Variants in ZMYM4 observed in about 807,000 individuals in gnomAD.
ZMYM4 encodes zinc finger MYM-type protein 4.
ZMYM4 carries 31 observed loss-of-function variants against 183.2 expected under a neutral mutation model. The ratio of observed to expected loss-of-function variants is 0.17; its 90% CI spans 0.13 to 0.23. The LOEUF (loss-of-function observed/expected upper bound fraction) is 0.23, where lower values mean the gene tolerates loss of function less well. Among genes scored for constraint, ZMYM4 ranks in the 10% least tolerant of loss-of-function variants. The pLI, the probability that ZMYM4 is intolerant of heterozygous loss-of-function variation, is 1.00. For missense variants in ZMYM4, 1,273 were observed against 1,840.3 expected (o/e 0.69, Z 5.64); for synonymous variants, 592 against 631.2 (o/e 0.94, Z 0.93).
At chr1:35,378,342 A>G (rs1470268567) in intron 7 of ZMYM4, among the ~76,000 whole-genome samples, 1 of 152,232 alleles carries the variant, frequency 6.6e-6, no homozygotes, top group Non-Finnish European at 1.5e-5. Flanking sequence ...TCCTTTCCAG[A>G]AGCTTTTTAA....
intron 2 of ZMYM4, among the ~76,000 whole-genome samples, chr1:35,333,470 T>C (rs1479068031): frequency 6.6e-6 from 1 of 152,072 alleles, no homozygotes; most frequent in African/African-American, 2.4e-5. Context: ...TTGGCCAAGG[T>C]GGTCTCAAGC....
chr1:35,355,546 C>G (rs1162306811), intron 2 of ZMYM4, among the ~76,000 whole-genome samples: 3 of 152,074 alleles, frequency 2.0e-5, no homozygotes, highest in Admixed American at 6.5e-5. Context: ...CTATCTTTAT[C>G]TTTTAAGGAA....
intron 1 of ZMYM4, among the ~76,000 whole-genome samples, chr1:35,298,685 CA>C (rs1472607606): frequency 6.6e-6 from 1 of 152,146 alleles, no homozygotes; most frequent in Non-Finnish European, 1.5e-5. Context: ...ACAGTGTTAA[CA>C]GGAAGAGAAG....
At chr1:35,350,353 A>G (rs981369766) in intron 2 of ZMYM4, among the ~76,000 whole-genome samples, 13 of 152,002 alleles carry the variant, frequency 8.6e-5, no homozygotes, top group African/African-American at 1.9e-4. Context: ...CAATGGCACA[A>G]TCTTGGCTCA....
intron 26 of ZMYM4, among the ~76,000 whole-genome samples, chr1:35,411,532 T>C (rs756856040): frequency 6.6e-6 from 1 of 152,148 alleles, no homozygotes; most frequent in Non-Finnish European, 1.5e-5. Context: ...TTGTATTAAG[T>C]TTTGAAATCA....
At chr1:35,387,309 T>G (rs1478733371) in intron 12 of ZMYM4, 31 bp downstream of exon 12, 3 of 1,603,790 alleles carry the variant, frequency 1.9e-6, no homozygotes, top group East Asian at 2.2e-5. Context: ...GATAAGATTT[T>G]GAGTATACGT....
chr1:35,382,070 G>A (rs1028652515), intron 9 of ZMYM4, among the ~76,000 whole-genome samples: 8 of 151,238 alleles, frequency 5.3e-5, no homozygotes, highest in African/African-American at 1.7e-4. Context: ...GCTTGAACTC[G>A]GGAGGTGGAG....
At chr1:35,380,600 A>G (rs538368962) in intron 7 of ZMYM4, among the ~76,000 whole-genome samples, 2 of 152,322 alleles carry the variant, frequency 1.3e-5, no homozygotes, top group Non-Finnish European at 2.9e-5. Flanking sequence ...CGTTGGGATT[A>G]CAGGCGTGAG....
At chr1:35,280,852 C>T (rs1386395867) in intron 1 of ZMYM4, among the ~76,000 whole-genome samples, 1 of 152,118 alleles carries the variant, frequency 6.6e-6, no homozygotes, top group Non-Finnish European at 1.5e-5. Flanking sequence ...TTAACTACAC[C>T]AGCAAAGAAC....
chr1:35,321,026 T>G (rs1178663307), intron 1 of ZMYM4, among the ~76,000 whole-genome samples: 1 of 152,222 alleles, frequency 6.6e-6, no homozygotes, highest in Non-Finnish European at 1.5e-5. Context: ...ATTGATTTTG[T>G]GTTTAGTCTC....
chr1:35,366,422 C>T (rs1286123063), intron 5 of ZMYM4, among the ~76,000 whole-genome samples: 1 of 151,936 alleles, frequency 6.6e-6, no homozygotes, highest in Non-Finnish European at 1.5e-5. Flanking sequence ...TGGATTTTTA[C>T]TTCAATCCAT....
intron 28 of ZMYM4, 64 bp from the exon 29 acceptor site, chr1:35,418,379 G>A: frequency 1.3e-6 from 2 of 1,560,360 alleles, no homozygotes; most frequent in Non-Finnish European, 1.7e-6. Flanking sequence ...GCTCATTGGT[G>A]TCTTGAGACT....
rs146852188 is a variant in ZMYM4, at chr1:35,416,074, T to C, written c.4309+360T>C. ...TAGTTAAACGAAACCTGCAGAACTT[T>C]TAGTCCATTGTTTCTAAATCTTTTT... On this transcript the variant is annotated intron_variant, in intron 28 of 29. Transcript: ENST00000314607. Among the ~76,000 whole-genome samples, 22 of 152,358 alleles carry C rather than the reference T, an allele frequency of 1.4e-4. 2 individuals carry two copies. Among genetic ancestry groups the C allele is most frequent in the African/African-American group, 4.8e-4 (20 of 41,592 alleles).
chr1:35,307,111 C>A lies in ZMYM4; in HGVS notation c.40-18249C>A, dbSNP rs75042340. 2.0e-5 allele frequency among the ~76,000 whole-genome samples: 3 copies of A among 152,312 alleles called. No homozygotes were observed. The East Asian group carries it at 5.8e-4, about 29-fold the overall frequency. ...CTTTCTGAATGTCCTTGGGTGATTT[C>A]TTTTTCCTCATCTCTAAAATGAGAG... On this transcript the variant is annotated intron_variant, in intron 1 of 29. Coordinates refer to ENST00000314607, the MANE Select transcript of ZMYM4 (RefSeq NM_005095.3).
intron 1 of ZMYM4, among the ~76,000 whole-genome samples, chr1:35,282,500 A>G (rs1640223856): frequency 6.6e-6 from 1 of 152,216 alleles, no homozygotes; most frequent in Non-Finnish European, 1.5e-5. Flanking sequence ...TAGTACAGGT[A>G]TGTACCTAGA....
chr1:35,325,428 C>T, intron 2 of ZMYM4, 23 bp downstream of exon 2: 1 of 1,594,436 alleles, frequency 6.3e-7, no homozygotes, highest in Non-Finnish European at 8.6e-7. Context: ...TGAGAAAAAA[C>T]AATCATGTCT....
intron 7 of ZMYM4, among the ~76,000 whole-genome samples, chr1:35,380,568 C>A (rs997505217): frequency 3.3e-5 from 5 of 152,230 alleles, no homozygotes; most frequent in South Asian, 4.1e-4. Flanking sequence ...CCTTGTGATC[C>A]GCCAGCCTCA....
chr1:35,289,891 A>G (rs1478289765), intron 1 of ZMYM4, among the ~76,000 whole-genome samples: 1 of 152,140 alleles, frequency 6.6e-6, no homozygotes, highest in Non-Finnish European at 1.5e-5. Flanking sequence ...GCTGCTTTTC[A>G]TACCATTCAC....
At chr1:35,363,308 G>A (rs1643989570) in intron 5 of ZMYM4, among the ~76,000 whole-genome samples, 1 of 152,090 alleles carries the variant, frequency 6.6e-6, no homozygotes, top group South Asian at 2.1e-4. Flanking sequence ...GATGTTTTTG[G>A]ACAGGATTTC....
Sources: gnomAD v4.1 joint callset for allele counts (sites outside exome capture counted in the v4.1 genomes callset) on GRCh38, gnomAD v4.1.1 for gene constraint, MANE v1.5 for transcripts, NCBI Gene and HGNC (gene_info 2026-07-23, HGNC 2026-07-21) for gene names.